CHD2: variants seen among roughly 807,000 people sequenced by gnomAD.
CHD2 encodes chromodomain helicase DNA binding protein 2, also known as ATP-dependent chromatin remodeler CHD2.
A neutral mutation model predicts 243.9 loss-of-function variants in CHD2; 28 were observed. That is an observed-to-expected ratio of 0.11 (90% CI 0.09 to 0.16). The LOEUF (loss-of-function observed/expected upper bound fraction) is 0.16, where lower values mean the gene tolerates loss of function less well. CHD2 is among the 10% of genes least tolerant of loss of function. The pLI, the probability that CHD2 is intolerant of heterozygous loss-of-function variation, is 1.00. For missense variants in CHD2, 1,386 were observed against 2,209.8 expected (o/e 0.63, Z 7.47); for synonymous variants, 775 against 779.0 (o/e 0.99, Z 0.09).
At position 92,971,774 on chromosome 15, in the gene CHD2, G is replaced by T; in HGVS notation, c.2199G>T (p.Leu733=). 6.2e-7 allele frequency: 1 copy of T among 1,611,416 alleles called. No homozygotes were observed. Among genetic ancestry groups the T allele is most frequent in the South Asian group, 1.1e-5 (1 of 90,362 alleles). Residue 733 remains leucine (L), a synonymous_variant, in exon 18 of 39, where the codon CTG becomes CTT. Transcript: ENST00000394196. The stretch of plus-strand genomic sequence containing the variant: ...TCATTTTAATTTGCAGGTGGATTCT[G>T]ACCAGGAATTACAAGGCTCTTGCCA... ...ALQKQYYKWI[L]TRNYKALAKG...
At chr15:92,936,842 T>C (rs1460119972) in intron 5 of CHD2, among the ~76,000 whole-genome samples, 3 of 152,026 alleles carry the variant, frequency 2.0e-5, no homozygotes, top group Non-Finnish European at 4.4e-5. Context: ...GAAATCTTTT[T>C]TTTTTTGATG....
intron 13 of CHD2, 189 bp downstream of exon 13, chr15:92,949,265 T>C: frequency 7.2e-7 from 1 of 1,379,740 alleles, no homozygotes; most frequent in South Asian, 1.7e-5. Flanking sequence ...GTATGTGTAA[T>C]ACCATTTTAT....
At chr15:93,019,390 C>T (rs377046818) in intron 37 of CHD2, among the ~76,000 whole-genome samples, 39 of 152,176 alleles carry the variant, frequency 2.6e-4, no homozygotes, top group Admixed American at 7.2e-4. Context: ...GAGTGAAAAG[C>T]GGTAGTTGTT....
In CHD2 at chr15:93,009,286, G is replaced by A. The variant is rs1183987736; in HGVS notation, c.4555G>A (p.Ala1519Thr). ...AGACCGGATAGCCGAGTGCCTTAAA[G>A]CCTACTCAGATCAGGAGCACATCAA... ...IGDRIAECLK[A>T]YSDQEHIKLW... is the part of the protein sequence containing the mutation. The change falls in exon 35 of 39, where the codon GCC (alanine) becomes ACC (threonine). Residue 1519 changes from alanine to threonine, a missense_variant. By Grantham distance (58) the Ala-to-Thr change is moderately conservative. Coordinates refer to ENST00000394196, the MANE Select transcript of CHD2 (RefSeq NM_001271.4). The A allele has an allele frequency of 1.2e-6, 2 of 1,614,190 alleles. No individual in the cohort carries two copies. The highest frequency in any genetic ancestry group is 1.7e-6 in the Non-Finnish European group (2 of 1,180,022).
rs1179188555 is a variant in CHD2, at chr15:92,904,520, TTTC to T, written c.62+3222_62+3224del. The T allele has an allele frequency of 5.0e-6, 5 of 996,350 alleles. No individual in the cohort carries two copies. The African/African-American group carries it at 8.7e-5, about 17-fold the overall frequency. 61.7% of individuals were successfully genotyped at this position (996,350 alleles called of 1,614,324 possible). A position where few individuals can be genotyped will look rare whatever the true frequency, so the allele number is the denominator to read the frequency against. Reference sequence around the variant, plus strand: ...AAAGGAAGGGAACTCTAGTTGGGACTTTCCGGTGGGCGGCTTCTTTCCTGGACG... The same window carrying T: ...AAAGGAAGGGAACTCTAGTTGGGACTCGGTGGGCGGCTTCTTTCCTGGACG... On this transcript the variant is annotated intron_variant, in intron 2 of 38. Coordinates refer to ENST00000394196, the MANE Select transcript of CHD2 (RefSeq NM_001271.4).
chr15:92,943,667 T>C (rs920949460), intron 9 of CHD2: 1 of 156,094 alleles, frequency 6.4e-6, no homozygotes, highest in Non-Finnish European at 1.4e-5. Flanking sequence ...ATATGGGAAA[T>C]ATGTGGAGCT....
chr15:92,902,044 T>C (rs980235367), intron 2 of CHD2: 1 of 393,672 alleles, frequency 2.5e-6, no homozygotes. Flanking sequence ...TTTGCAGTTG[T>C]ATATTTTACA....
intron 2 of CHD2, chr15:92,902,366 C>A (rs2052541095): frequency 2.6e-6 from 1 of 388,558 alleles, no homozygotes. Context: ...GTTCTTTATG[C>A]ATTTTCATAT....
At chr15:92,966,066 CT>C (rs533059554) in intron 16 of CHD2, among the ~76,000 whole-genome samples, 1,335 of 132,886 alleles carry the variant, frequency 0.01, 33 homozygotes, top group Admixed American at 0.068. Flanking sequence ...TTTTTCTTTT[CT>C]TTTTTTTTTT....
At chr15:92,993,475 C>G (rs1434448720) in intron 28 of CHD2, among the ~76,000 whole-genome samples, 1 of 152,094 alleles carries the variant, frequency 6.6e-6, no homozygotes, top group East Asian at 1.9e-4. Context: ...GATTTTCATG[C>G]CACTAGAATT....
intron 24 of CHD2, among the ~76,000 whole-genome samples, chr15:92,982,591 T>C (rs1226740902): frequency 6.6e-6 from 1 of 152,180 alleles, no homozygotes; most frequent in Admixed American, 6.5e-5. Context: ...GGATTGACCA[T>C]GGGTTGATTC....
chr15:92,935,964 C>T (rs2053260205), intron 5 of CHD2, among the ~76,000 whole-genome samples: 9 of 151,920 alleles, frequency 5.9e-5, no homozygotes, highest in Admixed American at 5.9e-4. Flanking sequence ...AAAGAAACAT[C>T]TCCATTTGCC....
intron 2 of CHD2, chr15:92,904,433 G>C (rs1431379193): frequency 3.0e-6 from 3 of 987,966 alleles, no homozygotes; most frequent in Non-Finnish European, 3.6e-6. Context: ...GTGACGTCTG[G>C]CCGCGTGCGC....
chr15:92,943,399 C>G (rs1215173105), intron 9 of CHD2: 1 of 290,148 alleles, frequency 3.4e-6, no homozygotes, highest in African/African-American at 2.2e-5. Flanking sequence ...CAAGTGGACT[C>G]AGGTTTTGAA....
At chr15:92,963,013 C>A (rs1282986467) in intron 16 of CHD2, among the ~76,000 whole-genome samples, 1 of 152,182 alleles carries the variant, frequency 6.6e-6, no homozygotes, top group African/African-American at 2.4e-5. Flanking sequence ...GAACTGGTTA[C>A]CATTTGCATG....
At chr15:92,919,592 G>A (rs964215267) in intron 2 of CHD2, among the ~76,000 whole-genome samples, 2 of 152,036 alleles carry the variant, frequency 1.3e-5, no homozygotes, top group Non-Finnish European at 2.9e-5. Context: ...GGGTTTCACC[G>A]TGTTAGCCAG....
At chr15:93,006,315 T>C (rs576460647) in intron 34 of CHD2, among the ~76,000 whole-genome samples, 1 of 152,060 alleles carries the variant, frequency 6.6e-6, no homozygotes, top group South Asian at 2.1e-4. Context: ...TTAGTAGATA[T>C]GAGGTTTCAC....
chr15:92,904,345 A>G (rs1007221641), intron 2 of CHD2: 1 of 653,178 alleles, frequency 1.5e-6, no homozygotes, highest in Non-Finnish European at 1.9e-6. Flanking sequence ...TGGTAACAGC[A>G]GGGTCAACGG....
At chr15:92,930,721 G>A (rs1373166163) in intron 5 of CHD2, among the ~76,000 whole-genome samples, 1 of 152,088 alleles carries the variant, frequency 6.6e-6, no homozygotes, top group South Asian at 2.1e-4. Flanking sequence ...ACTGTGCCCC[G>A]CCACTTATCA....
Sources: allele counts gnomAD v4.1 joint callset (sites outside exome capture counted in the v4.1 genomes callset), GRCh38; gene constraint gnomAD v4.1.1; transcripts MANE v1.5; gene names NCBI Gene and HGNC (gene_info 2026-07-23, HGNC 2026-07-21).